The following SNN variants were observed in gnomAD, a reference collection of about 807,000 sequenced individuals.
SNN encodes the protein AG8_1.
Under a neutral mutation model 5.3 loss-of-function variants are expected in SNN, and 5 were observed. The observed-to-expected ratio is 0.94, with a 90% CI of 0.49 to 1.97. SNN has a LOEUF of 1.97. Ranked by LOEUF, SNN falls within the 30% of genes most tolerant of loss-of-function variation. The probability of loss-of-function intolerance (pLI) is 0.01; values close to 1 mark genes in which losing one functional copy is unlikely to be tolerated. For missense variants in SNN, 127 were observed against 121.6 expected (o/e 1.04, Z -0.21); for synonymous variants, 67 against 52.1 (o/e 1.29, Z -1.24).
rs2050271241 is a variant in SNN, at chr16:11,672,375, TC to T, written c.-85-3598del. Among the ~76,000 whole-genome samples the T allele has an allele frequency of 1.3e-5, 2 of 151,872 alleles. No homozygotes were observed. The highest frequency in any genetic ancestry group is 2.9e-5 in the Non-Finnish European group (2 of 67,932). ...GGGTGTGGGAGGAGGGGCGCCTGGG[TC>T]CAGGGTGGTCTGGGAGGGCAGCCTG... On this transcript the variant is annotated intron_variant, in intron 1 of 1. Transcript: ENST00000329565. This position sits in a 1 kb window ranked among gnomAD's most constrained non-coding sequence, Gnocchi z 6.0.
Position 11,676,603 on chromosome 16 carries a change from G to A in SNN, c.*277G>A. On this transcript the variant is annotated 3_prime_UTR_variant, in exon 2 of 2. Coordinates refer to ENST00000329565, the MANE Select transcript of SNN (RefSeq NM_003498.6). ...GCTTTTGTTACTTGAATGTCTAGCT[G>A]AGCCTGTTTTTGATGGAGCTACTAC... 2.1e-6 allele frequency: 1 copy of A among 477,550 alleles called. No homozygotes were observed. Among genetic ancestry groups the A allele is most frequent in the Non-Finnish European group, 3.9e-6 (1 of 255,726 alleles). The allele number at this position is 477,550 out of a possible 1,614,324, so 29.6% of individuals were successfully genotyped here.
chr16:11,671,786 A>AGGGG lies in SNN; in HGVS notation c.-86+3246_-86+3247insGGGG, dbSNP rs2050267591. On this transcript the variant is annotated intron_variant, in intron 1 of 1. Transcript: ENST00000329565. The surrounding 1 kb of genome is among the most constrained non-coding windows in gnomAD (Gnocchi z 4.7). ...CAGAGGGGCTAGAAAGGAAGAACAGACAGGTGGGGTCCAGCCAGGCACAGG... is the reference window on the plus strand; with the variant it reads ...CAGAGGGGCTAGAAAGGAAGAACAGAGGGGCAGGTGGGGTCCAGCCAGGCACAGG... 1.3e-5 allele frequency among the ~76,000 whole-genome samples: 2 copies of AGGGG among 152,096 alleles called. No homozygotes were observed. Among genetic ancestry groups the AGGGG allele is most frequent in the Non-Finnish European group, 2.9e-5 (2 of 68,010 alleles).
rs1298679265 is a variant in SNN at position 11,668,836 on chromosome 16, C to T, written c.-86+296C>T. Among the ~76,000 whole-genome samples, 2 of 151,780 alleles carry T rather than the reference C, an allele frequency of 1.3e-5. No individual in the cohort carries two copies. Among genetic ancestry groups the T allele is most frequent in the Non-Finnish European group, 2.9e-5 (2 of 67,838 alleles). On this transcript the variant is annotated intron_variant, in intron 1 of 1. Transcript: ENST00000329565. The surrounding 1 kb of genome is among the most constrained non-coding windows in gnomAD (Gnocchi z 6.8). The stretch of plus-strand genomic sequence containing the variant: ...CGCGGGGCGCTCGCCCCCGCCCGTG[C>T]AGCCCCCGCCCGTCCTCAGCTACGC...
At chr16:11,674,557 C>A (rs1313448587) in intron 1 of SNN, among the ~76,000 whole-genome samples, 1 of 152,254 alleles carries the variant, frequency 6.6e-6, no homozygotes, top group East Asian at 1.9e-4. Context: ...TGGGTGAACT[C>A]CGTGGCTCGG....
In SNN at chr16:11,673,934, G is replaced by A. The variant is rs562238781; in HGVS notation, c.-85-2041G>A. On this transcript the variant is annotated intron_variant, in intron 1 of 1. Coordinates refer to ENST00000329565, the MANE Select transcript of SNN (RefSeq NM_003498.6). ...CAGGGGGAAGGCAGTGGAATGGAGG[G>A]AGGGCACCTCCTCTGCCCAGGGCCC... 1.7e-4 allele frequency among the ~76,000 whole-genome samples: 26 copies of A among 152,344 alleles called. No homozygotes were observed. The East Asian group carries it at 4.4e-3, about 26-fold the overall frequency.
At chr16:11,674,489 T>C (rs1157418071) in intron 1 of SNN, among the ~76,000 whole-genome samples, 1 of 152,210 alleles carries the variant, frequency 6.6e-6, no homozygotes, top group Non-Finnish European at 1.5e-5. Flanking sequence ...TGGGGACTCT[T>C]AGACCTTATG....
intron 1 of SNN, among the ~76,000 whole-genome samples, chr16:11,670,756 C>T (rs374076790): frequency 3.3e-5 from 5 of 152,130 alleles, no homozygotes; most frequent in African/African-American, 7.2e-5. Context: ...TGCTCTACTG[C>T]GGTCTGTGGG....
At chr16:11,673,867 C>T (rs1031280006) in intron 1 of SNN, among the ~76,000 whole-genome samples, 10 of 152,188 alleles carry the variant, frequency 6.6e-5, no homozygotes, top group African/African-American at 2.4e-4. Context: ...TGAGGGTGGG[C>T]AGGGAGATCC....
chr16:11,669,089 G>C (rs932444878), intron 1 of SNN, among the ~76,000 whole-genome samples: 1 of 152,170 alleles, frequency 6.6e-6, no homozygotes, highest in African/African-American at 2.4e-5. Flanking sequence ...GCCGATTCGA[G>C]CTACCTCCCC....
At position 11,676,066 on chromosome 16, in the gene SNN, A is replaced by C; in HGVS notation, c.7A>C (p.Ile3Leu). Reference sequence around the variant, plus strand: ...GAAGCCCCCAGCACTGACCATGTCTATTATGGACCACAGCCCCACCACGGG... The same window carrying C: ...GAAGCCCCCAGCACTGACCATGTCTCTTATGGACCACAGCCCCACCACGGG... Reference protein sequence around the residue: MSIMDHSPTTGVV... With the variant: MSLMDHSPTTGVV... Residue 3 changes from isoleucine (I) to leucine (L), a missense_variant, in exon 2 of 2, where the codon ATT becomes CTT. By Grantham distance (5) the Ile-to-Leu change is conservative (BLOSUM62 2). Transcript: ENST00000329565. 2 of 1,603,836 alleles carry C rather than the reference A, an allele frequency of 1.2e-6. No homozygotes were observed. Among genetic ancestry groups the C allele is most frequent in the Non-Finnish European group, 1.7e-6 (2 of 1,173,718 alleles).
intron 1 of SNN, among the ~76,000 whole-genome samples, chr16:11,669,915 G>T (rs771031483): frequency 1.2e-4 from 18 of 152,336 alleles, no homozygotes; most frequent in Admixed American, 3.9e-4. Context: ...TGGGGGTGGA[G>T]GATGAGATAA....
Position 11,671,621 on chromosome 16 carries a change from T to G in SNN, c.-86+3081T>G, listed in dbSNP as rs933977163. On this transcript the variant is annotated intron_variant, in intron 1 of 1. Coordinates refer to ENST00000329565, the MANE Select transcript of SNN (RefSeq NM_003498.6). This position sits in a 1 kb window ranked among gnomAD's most constrained non-coding sequence, Gnocchi z 4.7. The stretch of plus-strand genomic sequence containing the variant: ...GAATGTGAGCTGCTGTCATGATGGT[T>G]GTTGGGTGGGCCAGGATTCCCATGT... 5.9e-5 allele frequency among the ~76,000 whole-genome samples: 9 copies of G among 152,180 alleles called. No individual in the cohort carries two copies. The highest frequency in any genetic ancestry group is 2.2e-4 in the African/African-American group (9 of 41,440).
At position 11,676,432 on chromosome 16, in the gene SNN, C is replaced by G; in HGVS notation, c.*106C>G. 13 of 1,344,902 alleles carry G rather than the reference C, an allele frequency of 9.7e-6. No individual in the cohort carries two copies. The highest frequency in any genetic ancestry group is 1.2e-5 in the Non-Finnish European group (12 of 988,334). 83.3% of individuals were successfully genotyped at this position (1,344,902 alleles called of 1,614,324 possible). On this transcript the variant is annotated 3_prime_UTR_variant, in exon 2 of 2. Coordinates refer to ENST00000329565, the MANE Select transcript of SNN (RefSeq NM_003498.6). ...GTCTGAGAGGAAGGGCTGACACTTG[C>G]TGGCATGGCCTCTGCGGGCTTCGTC... is the stretch of plus-strand genomic sequence containing the variant.
chr16:11,672,411 C>G lies in SNN; in HGVS notation c.-85-3564C>G, dbSNP rs1209595194. Reference sequence around the variant, plus strand: ...CTGGGAGGGCAGCCTGCAAGAGGCGCCTTCTGAGAAAGTCCCGAATAGGAA... The same window carrying G: ...CTGGGAGGGCAGCCTGCAAGAGGCGGCTTCTGAGAAAGTCCCGAATAGGAA... On this transcript the variant is annotated intron_variant, in intron 1 of 1. Coordinates refer to ENST00000329565, the MANE Select transcript of SNN (RefSeq NM_003498.6). The surrounding 1 kb of genome is among the most constrained non-coding windows in gnomAD (Gnocchi z 6.0). Among the ~76,000 whole-genome samples the G allele has an allele frequency of 6.6e-5, 10 of 152,188 alleles. No homozygotes were observed. The East Asian group carries it at 1.7e-3, about 26-fold the overall frequency.
Position 11,672,555 on chromosome 16 carries a change from G to C in SNN, c.-85-3420G>C, listed in dbSNP as rs1358031668. ...TCTTTGGTGCTGGGGAGGATTCTGA[G>C]TGGGGAGAACGCCATCACATTTTTG... On this transcript the variant is annotated intron_variant, in intron 1 of 1. Transcript: ENST00000329565. The surrounding 1 kb of genome is among the most constrained non-coding windows in gnomAD (Gnocchi z 6.0). 6.6e-6 allele frequency among the ~76,000 whole-genome samples: 1 copy of C among 152,234 alleles called. No individual in the cohort carries two copies. The highest frequency in any genetic ancestry group is 1.9e-4 in the East Asian group (1 of 5,192).
In SNN at chr16:11,676,783, T is replaced by G. The variant is rs926284906; in HGVS notation, c.*457T>G. 2 of 179,728 alleles carry G rather than the reference T, an allele frequency of 1.1e-5. No homozygotes were observed. Among genetic ancestry groups the G allele is most frequent in the South Asian group, 3.1e-4 (2 of 6,360 alleles). The allele number at this position is 179,728 out of a possible 1,614,324, so 11.1% of individuals were successfully genotyped here. A position where few individuals can be genotyped will look rare whatever the true frequency, so the allele number is the denominator to read the frequency against. The stretch of plus-strand genomic sequence containing the variant: ...CAAGCTGAGTCAAGACCCTGGAGGG[T>G]CATAGGCTTGTAAAGGCCCACGCCA... On this transcript the variant is annotated 3_prime_UTR_variant, in exon 2 of 2. Coordinates refer to ENST00000329565, the MANE Select transcript of SNN (RefSeq NM_003498.6).
At chr16:11,670,477 T>G (rs1161697186) in intron 1 of SNN, among the ~76,000 whole-genome samples, 1 of 152,184 alleles carries the variant, frequency 6.6e-6, no homozygotes, top group East Asian at 1.9e-4. Context: ...GGCTTGGGGA[T>G]CCCTCGGGCT....
chr16:11,675,241 CTTTTTCTTTTT>C lies in SNN; in HGVS notation c.-85-717_-85-707del, dbSNP rs1423373877. ...AGAGGGACTGATGTCATTGTCATTT[CTTTTTCTTTTT>C]TTTTTCTTTTTTTTTTTTTTTTTTT... On this transcript the variant is annotated intron_variant, in intron 1 of 1. Coordinates refer to ENST00000329565, the MANE Select transcript of SNN (RefSeq NM_003498.6). Among the ~76,000 whole-genome samples, 224 of 141,028 alleles carry C rather than the reference CTTTTTCTTTTT, an allele frequency of 1.6e-3. 1 individual carries two copies. In the East Asian group the frequency reaches 0.018, roughly 11 times the overall value. 92.5% of individuals were successfully genotyped at this position (141,028 alleles called of 152,430 possible). A position where few individuals can be genotyped will look rare whatever the true frequency, so the allele number is the denominator to read the frequency against.
rs773428310 is a variant in SNN, at chr16:11,672,186, G to A, written c.-86+3646G>A. Among the ~76,000 whole-genome samples the A allele has an allele frequency of 6.6e-6, 1 of 152,204 alleles. No individual in the cohort carries two copies. Among genetic ancestry groups the A allele is most frequent in the African/African-American group, 2.4e-5 (1 of 41,442 alleles). On this transcript the variant is annotated intron_variant, in intron 1 of 1. Transcript: ENST00000329565. This position sits in a 1 kb window ranked among gnomAD's most constrained non-coding sequence, Gnocchi z 6.0. ...TTCACTGAGCACCTACTGTGTACCC[G>A]TGCAGGGCAGGGGTACAGCTGTGGG...
Sources: gnomAD v4.1 joint callset for allele counts (sites outside exome capture counted in the v4.1 genomes callset) on GRCh38, gnomAD v4.1.1 for gene constraint, Gnocchi (gnomAD v3.1) non-coding constraint, MANE v1.5 for transcripts, NCBI Gene and HGNC (gene_info 2026-07-23, HGNC 2026-07-21) for gene names.